CNTN6: variants seen among roughly 807,000 people sequenced by gnomAD.
CNTN6 encodes the protein contactin 6.
In CNTN6, 137 loss-of-function variants were observed where a neutral mutation model predicts 122.8. That is an observed-to-expected ratio of 1.12 (90% CI 0.97 to 1.29). CNTN6 has a LOEUF of 1.29. Among genes scored for constraint, CNTN6 ranks in the 50% most tolerant of loss-of-function variants. The pLI is 0.00. For synonymous variants in CNTN6, 570 were observed against 426.0 expected (o/e 1.34, Z -4.16); for missense variants, 1,634 against 1,223.4 (o/e 1.34, Z -5.01).
intron 5 of CNTN6, among the ~76,000 whole-genome samples, chr3:1,282,549 A>AG (rs1693650477): frequency 6.6e-6 from 1 of 152,206 alleles, no homozygotes; most frequent in African/African-American, 2.4e-5. Flanking sequence ...CTCTGTCCTT[A>AG]GGACTAGACT....
intron 1 of CNTN6, among the ~76,000 whole-genome samples, chr3:1,136,954 A>G (rs1268698933): frequency 6.6e-6 from 1 of 152,180 alleles, no homozygotes; most frequent in Non-Finnish European, 1.5e-5. Context: ...GAGGCAGTGC[A>G]TGTAACTCCT....
chr3:1,376,343 A>G (rs898592889), intron 16 of CNTN6, among the ~76,000 whole-genome samples: 1 of 152,048 alleles, frequency 6.6e-6, no homozygotes, highest in African/African-American at 2.4e-5. Flanking sequence ...AAACTCATCA[A>G]AATTACTGGT....
At position 1,385,504 on chromosome 3, in the gene CNTN6, T is replaced by C. The variant is rs553552543; in HGVS notation, c.2518-107T>C. ...AAAACGTTTTTGTCATCTATACTTC[T>C]GTCTTCTTCCCATATTCCTTGTGGT... On this transcript the variant is annotated intron_variant, in intron 19 of 22. Transcript: ENST00000446702. The C allele has an allele frequency of 9.3e-5, 73 of 786,004 alleles. No individual in the cohort carries two copies. The African/African-American group carries it at 1.2e-3, about 13-fold the overall frequency. The allele number at this position is 786,004 out of a possible 1,614,324, so 48.7% of individuals were successfully genotyped here.
intron 5 of CNTN6, among the ~76,000 whole-genome samples, chr3:1,288,860 T>C (rs141068204): frequency 6.6e-6 from 1 of 152,346 alleles, no homozygotes; most frequent in Non-Finnish European, 1.5e-5. Context: ...ATTTGTTGTA[T>C]GCTTGAGAGA....
At chr3:1,306,856 A>T (rs1035613555) in intron 7 of CNTN6, among the ~76,000 whole-genome samples, 4 of 152,140 alleles carry the variant, frequency 2.6e-5, no homozygotes, top group African/African-American at 7.2e-5. Flanking sequence ...GTGTTAAGGG[A>T]CTTCCCCAGA....
chr3:1,241,925 G>A (rs2125610459), intron 4 of CNTN6, among the ~76,000 whole-genome samples: 1 of 152,318 alleles, frequency 6.6e-6, no homozygotes, highest in Non-Finnish European at 1.5e-5. Flanking sequence ...AAAACAGTAA[G>A]GTCAAGTTGT....
In CNTN6 at chr3:1,277,346, C is replaced by CTTTTCTTTTTTT. The variant is rs1692561797; in HGVS notation, c.359-1063_359-1062insCTTTTTTTTTTT. On this transcript the variant is annotated intron_variant, in intron 4 of 22. Transcript: ENST00000446702. ...CTACTTCTGTCTTTTAGTAGGTTTT[C>CTTTTCTTTTTTT]TTTTTTTTTTTTTTTTTTTTTTTTT... 1.4e-4 allele frequency among the ~76,000 whole-genome samples: 11 copies of CTTTTCTTTTTTT among 80,166 alleles called. No individual in the cohort carries two copies. In the East Asian group the frequency reaches 3.0e-3, roughly 22 times the overall value. 52.6% of individuals were successfully genotyped at this position (80,166 alleles called of 152,430 possible).
chr3:1,276,882 C>T (rs564100314), intron 4 of CNTN6, among the ~76,000 whole-genome samples: 7 of 152,268 alleles, frequency 4.6e-5, no homozygotes, highest in East Asian at 1.9e-4. Context: ...CTCAAATACC[C>T]GGGTGAATGG....
intron 4 of CNTN6, among the ~76,000 whole-genome samples, chr3:1,277,344 TTC>T: frequency 2.1e-5 from 2 of 93,884 alleles, no homozygotes; most frequent in Non-Finnish European, 4.0e-5. Flanking sequence ...TTAGTAGGTT[TTC>T]TTTTTTTTTT....
chr3:1,218,393 A>G (rs114275650), intron 2 of CNTN6, among the ~76,000 whole-genome samples: 2,500 of 152,178 alleles, frequency 0.016, 85 homozygotes, highest in African/African-American at 0.057. Flanking sequence ...TCTGTGTACC[A>G]AGTGTCAGAG....
chr3:1,233,579 C>T (rs2094381809), intron 4 of CNTN6, among the ~76,000 whole-genome samples: 1 of 151,324 alleles, frequency 6.6e-6, no homozygotes, highest in Non-Finnish European at 1.5e-5. Flanking sequence ...ATAAAAAATA[C>T]AAAAAATTAG....
chr3:1,165,975 A>G (rs1015514451), intron 2 of CNTN6, among the ~76,000 whole-genome samples: 2 of 152,244 alleles, frequency 1.3e-5, no homozygotes, highest in African/African-American at 2.4e-5. Context: ...TCATCTCCAC[A>G]TTACCACTTA....
At chr3:1,317,404 C>A (rs1276633088) in intron 7 of CNTN6, among the ~76,000 whole-genome samples, 1 of 151,610 alleles carries the variant, frequency 6.6e-6, no homozygotes, top group East Asian at 1.9e-4. Flanking sequence ...ATGAATACAG[C>A]AGGAAAATGA....
chr3:1,205,028 G>A (rs1559509922), intron 2 of CNTN6, among the ~76,000 whole-genome samples: 1 of 152,150 alleles, frequency 6.6e-6, no homozygotes, highest in South Asian at 2.1e-4. Flanking sequence ...CTTTGAAGTA[G>A]AAGAGGGAGG....
At chr3:1,120,372 A>C (rs1272540040) in intron 1 of CNTN6, among the ~76,000 whole-genome samples, 1 of 151,860 alleles carries the variant, frequency 6.6e-6, no homozygotes. Flanking sequence ...TGGCATGGTC[A>C]GTCTTTTTAG....
intron 1 of CNTN6, among the ~76,000 whole-genome samples, chr3:1,105,585 T>A (rs895337078): frequency 1.3e-5 from 2 of 152,184 alleles, no homozygotes; most frequent in Non-Finnish European, 2.9e-5. Context: ...AATGGTCAGA[T>A]AAAAACTGAA....
At chr3:1,107,422 G>A (rs529981682) in intron 1 of CNTN6, among the ~76,000 whole-genome samples, 11 of 152,140 alleles carry the variant, frequency 7.2e-5, no homozygotes, top group African/African-American at 2.4e-4. Context: ...AAATCCAAGA[G>A]CATTCATTTG....
In CNTN6 at chr3:1,150,130, T is replaced by C. The variant is rs1575027605; in HGVS notation, c.55+2067T>C. ...GCTCCAGAGGTAAGGATGTTGATAA[T>C]GACATACACAAGACAACACTGCTTT... On this transcript the variant is annotated intron_variant, in intron 2 of 22. Transcript: ENST00000446702. 2.0e-5 allele frequency among the ~76,000 whole-genome samples: 3 copies of C among 152,280 alleles called. No homozygotes were observed. In the South Asian group the frequency reaches 6.2e-4, roughly 32 times the overall value.
At chr3:1,382,220 C>G (rs1214893098) in intron 17 of CNTN6, among the ~76,000 whole-genome samples, 1 of 151,896 alleles carries the variant, frequency 6.6e-6, no homozygotes, top group Non-Finnish European at 1.5e-5. Context: ...AGTACAGATT[C>G]ATTTTAATTT....
Sources: allele counts gnomAD v4.1 joint callset (sites outside exome capture counted in the v4.1 genomes callset), GRCh38; gene constraint gnomAD v4.1.1; transcripts MANE v1.5; gene names NCBI Gene and HGNC (gene_info 2026-07-23, HGNC 2026-07-21).